Variants in GFAP observed in about 807,000 individuals in gnomAD.
GFAP encodes intermediate filament protein.
GFAP carries 38 observed loss-of-function variants against 49.3 expected under a neutral mutation model. That is an observed-to-expected ratio of 0.77 (90% confidence interval 0.60 to 1.01). GFAP has a LOEUF of 1.01. GFAP is among the 50% of genes least tolerant of loss of function. The pLI is 0.00. For missense variants in GFAP, 463 were observed against 579.1 expected (o/e 0.80, Z 2.06); for synonymous variants, 222 against 236.4 (o/e 0.94, Z 0.56).
rs1268819073 is a variant in GFAP at position 44,904,054 on chromosome 17, C to T, written c.*3293G>A. 4 of 1,550,686 alleles carry T rather than the reference C, an allele frequency of 2.6e-6. No homozygotes were observed. The Admixed American group carries it at 7.8e-5, about 30-fold the overall frequency. On this transcript the variant is annotated 3_prime_UTR_variant, in exon 9 of 9. Transcript: ENST00000588735. Reference sequence around the variant, plus strand: ...ACCAAAAGCACCTAGGTAGCAGCCACACCAAAGTGCTGACGGACTTTGATG... The same window carrying T: ...ACCAAAAGCACCTAGGTAGCAGCCATACCAAAGTGCTGACGGACTTTGATG...
intron 7 of GFAP, chr17:44,910,179 T>C (rs2051727702): frequency 1.2e-6 from 2 of 1,613,792 alleles, no homozygotes; most frequent in Non-Finnish European, 1.7e-6. Flanking sequence ...CTGGTGAGCC[T>C]GTATTGGTAT....
chr17:44,904,929 C>T lies in GFAP; in HGVS notation c.*2418G>A. 1 of 1,550,640 alleles carries T rather than the reference C, an allele frequency of 6.4e-7. No individual in the cohort carries two copies. Among genetic ancestry groups the T allele is most frequent in the Non-Finnish European group, 8.7e-7 (1 of 1,146,996 alleles). Reference sequence around the variant, plus strand: ...GTGACATCTCATGGGCACTACCCAGCCTCGTTCTCAGATCCTGAGACTCGC... The same window carrying T: ...GTGACATCTCATGGGCACTACCCAGTCTCGTTCTCAGATCCTGAGACTCGC... On this transcript the variant is annotated 3_prime_UTR_variant, in exon 9 of 9. Transcript: ENST00000588735.
intron 5 of GFAP, 79 bp downstream of exon 5, chr17:44,911,593 C>G (rs997923404): frequency 1.1e-5 from 17 of 1,591,808 alleles, no homozygotes; most frequent in Non-Finnish European, 1.4e-5. Context: ...GGTCCTCGTC[C>G]CTGGCCCTTC....
intron 7 of GFAP, chr17:44,909,959 TA>T: frequency 6.9e-7 from 1 of 1,455,672 alleles, no homozygotes. Flanking sequence ...CAGTTTAATG[TA>T]CAGTTACTCT....
Position 44,911,387 on chromosome 17 carries a change from C to T in GFAP, c.976G>A (p.Glu326Lys). Residue 326 changes from glutamate to lysine, a missense_variant, in exon 6 of 9, where the codon GAG becomes AAG. Physicochemically the swap from Glu to Lys is moderately conservative, Grantham distance 56 (BLOSUM62 1). Around this residue, in one of 3 missense-constraint regions of GFAP, gnomAD observed 362 missense variants for 445.5 expected, o/e 0.81. Transcript: ENST00000588735. ...RHVREAASYQ[E>K]ALARLEEEGQ... ...TCTTCCTCCAGCCGCGCCAGCGCCT[C>T]CTGATAACTGGCCGCCTCCCGCACG... 6.2e-7 allele frequency: 1 copy of T among 1,614,056 alleles called. No homozygotes were observed. Among genetic ancestry groups the T allele is most frequent in the Non-Finnish European group, 8.5e-7 (1 of 1,180,002 alleles).
At chr17:44,913,848 G>C in intron 2 of GFAP, 25 bp from the exon 3 acceptor site, 1 of 1,589,442 alleles carries the variant, frequency 6.3e-7, no homozygotes. Flanking sequence ...GGGGTGAGGA[G>C]TAGAGGGCCA....
chr17:44,907,070 T>A lies in GFAP; in HGVS notation c.*277A>T. 3.6e-6 allele frequency: 2 copies of A among 552,530 alleles called. No homozygotes were observed. The highest frequency in any genetic ancestry group is 6.5e-6 in the Non-Finnish European group (2 of 305,580). The allele number at this position is 552,530 out of a possible 1,614,324, so 34.2% of individuals were successfully genotyped here. ...CCCCTTCTCTCCTTCCTCCTCATTC[T>A]AACGCAAGCTGCTGGCCATGCCCCT... On this transcript the variant is annotated 3_prime_UTR_variant, in exon 9 of 9. Coordinates refer to ENST00000588735, the MANE Select transcript of GFAP (RefSeq NM_002055.5).
chr17:44,911,387 C>G lies in GFAP; in HGVS notation c.976G>C (p.Glu326Gln). 2 of 1,614,056 alleles carry G rather than the reference C, an allele frequency of 1.2e-6. No individual in the cohort carries two copies. Among genetic ancestry groups the G allele is most frequent in the South Asian group, 1.1e-5 (1 of 91,084 alleles). ...TCTTCCTCCAGCCGCGCCAGCGCCT[C>G]CTGATAACTGGCCGCCTCCCGCACG... is the stretch of plus-strand genomic sequence containing the variant. ...RHVREAASYQ[E>Q]ALARLEEEGQ... The change falls in exon 6 of 9, where the codon GAG (glutamate) becomes CAG (glutamine). Residue 326 changes from glutamate to glutamine, a missense_variant. Transcript: ENST00000588735.
In GFAP at chr17:44,915,088, G is replaced by A. The variant is rs756246008; in HGVS notation, c.399C>T (p.Asn133=). 4.3e-6 allele frequency: 7 copies of A among 1,613,492 alleles called. No homozygotes were observed. The highest frequency in any genetic ancestry group is 2.2e-5 in the East Asian group (1 of 44,880). ...CCCTCTCAACCTCCAGCCGGGCGCT[G>A]TTGGCGGTGAGTTGATCGAGCCGCA... The part of the protein sequence containing the change: ...LRLRLDQLTA[N]SARLEVERDN... Residue 133 remains asparagine (N), a synonymous_variant, in exon 1 of 9, where the codon AAC becomes AAT. Coordinates refer to ENST00000588735, the MANE Select transcript of GFAP (RefSeq NM_002055.5). The surrounding 1 kb of genome is among the most constrained non-coding windows in gnomAD (Gnocchi z 4.1).
Position 44,904,361 on chromosome 17 carries a change from T to C in GFAP, c.*2986A>G, listed in dbSNP as rs1331514125. On this transcript the variant is annotated 3_prime_UTR_variant, in exon 9 of 9. Coordinates refer to ENST00000588735, the MANE Select transcript of GFAP (RefSeq NM_002055.5). ...CACCACCTTCTGGGAATGGACCCCC[T>C]GTGACCGCTGCGGAGTGCGTGGGGA... 6.5e-7 allele frequency: 1 copy of C among 1,544,252 alleles called. No homozygotes were observed. The highest frequency in any genetic ancestry group is 1.2e-5 in the South Asian group (1 of 83,530).
Position 44,911,334 on chromosome 17 carries a change from G to A in GFAP, c.1029C>T (p.Ala343=). 1.2e-6 allele frequency: 2 copies of A among 1,614,180 alleles called. No homozygotes were observed. Among genetic ancestry groups the A allele is most frequent in the Non-Finnish European group, 8.5e-7 (1 of 1,180,012 alleles). ...EEGQSLKDEM[A]RHLQEYQDLL... is the part of the protein sequence containing the mutation. ...GGTCCTGGTACTCCTGCAAGTGGCG[G>A]GCCATCTCGTCCTTGAGGCTCTGCC... Residue 343 remains alanine, a synonymous_variant, in exon 6 of 9, where the codon GCC becomes GCT. Transcript: ENST00000588735.
chr17:44,904,380 G>T lies in GFAP; in HGVS notation c.*2967C>A. 1 of 1,542,348 alleles carries T rather than the reference G, an allele frequency of 6.5e-7. No homozygotes were observed. The highest frequency in any genetic ancestry group is 8.8e-7 in the Non-Finnish European group (1 of 1,140,982). On this transcript the variant is annotated 3_prime_UTR_variant, in exon 9 of 9. Coordinates refer to ENST00000588735, the MANE Select transcript of GFAP (RefSeq NM_002055.5). The stretch of plus-strand genomic sequence containing the variant: ...ACCCCCTGTGACCGCTGCGGAGTGC[G>T]TGGGGAGCAGTGGCGCATCGGCCTC...
At position 44,904,986 on chromosome 17, in the gene GFAP, T is replaced by C. The variant is rs1258821650; in HGVS notation, c.*2361A>G. 79 of 1,550,724 alleles carry C rather than the reference T, an allele frequency of 5.1e-5. No individual in the cohort carries two copies. Among genetic ancestry groups the C allele is most frequent in the Non-Finnish European group, 6.9e-5 (79 of 1,147,054 alleles). On this transcript the variant is annotated 3_prime_UTR_variant, in exon 9 of 9. Transcript: ENST00000588735. ...GTGGAGCTCACCCTGATAGGCTACCTGCTCATCACAGCAGTCTTTGTCACC... is the reference window on the plus strand; with the variant it reads ...GTGGAGCTCACCCTGATAGGCTACCCGCTCATCACAGCAGTCTTTGTCACC...
chr17:44,904,586 G>A lies in GFAP; in HGVS notation c.*2761C>T, dbSNP rs757281725. 195 of 1,550,594 alleles carry A rather than the reference G, an allele frequency of 1.3e-4. No homozygotes were observed. The highest frequency in any genetic ancestry group is 6.3e-4 in the South Asian group (53 of 84,060). On this transcript the variant is annotated 3_prime_UTR_variant, in exon 9 of 9. Transcript: ENST00000588735. Reference sequence around the variant, plus strand: ...GAAGACAAAGACCATCCGGGAGGGCGTGCTGGCCATCATTAACTATGTGTC... The same window carrying A: ...GAAGACAAAGACCATCCGGGAGGGCATGCTGGCCATCATTAACTATGTGTC...
rs1304326673 is a variant in GFAP, at chr17:44,907,355, C to T, written c.1291G>A (p.Val431Met). The change falls in exon 9 of 9, where the codon GTG (valine) becomes ATG (methionine). Residue 431 changes from valine (V) to methionine (M), a missense_variant. Physicochemically the swap from Val to Met is conservative, Grantham distance 21. Transcript: ENST00000588735. ...IKESKQEHKD[V>M]M Reference sequence around the variant, plus strand: ...ACCAGGTGGGTCCTGCCTCACATCACATCCTTGTGCTCCTGCTTGGACTCC... The same window carrying T: ...ACCAGGTGGGTCCTGCCTCACATCATATCCTTGTGCTCCTGCTTGGACTCC... 1 of 1,613,946 alleles carries T rather than the reference C, an allele frequency of 6.2e-7. No individual in the cohort carries two copies. The highest frequency in any genetic ancestry group is 8.5e-7 in the Non-Finnish European group (1 of 1,179,836).
Position 44,915,208 on chromosome 17 carries a change from T to C in GFAP, c.279A>G (p.Gln93=), listed in dbSNP as rs745848016. The change falls in exon 1 of 9, where the codon CAA becomes CAG. Residue 93 remains glutamine (Q), a synonymous_variant. Transcript: ENST00000588735. This position sits in a 1 kb window ranked among gnomAD's most constrained non-coding sequence, Gnocchi z 4.1. ...YIEKVRFLEQ[Q]NKALAAELNQ... ...TCAGCTCAGCAGCCAGCGCCTTGTTTTGCTGTTCCAGGAAGCGAACCTTCT... is the reference window on the plus strand; with the variant it reads ...TCAGCTCAGCAGCCAGCGCCTTGTTCTGCTGTTCCAGGAAGCGAACCTTCT... 2.5e-6 allele frequency: 4 copies of C among 1,614,196 alleles called. No individual in the cohort carries two copies. The highest frequency in any genetic ancestry group is 3.4e-6 in the Non-Finnish European group (4 of 1,180,046).
Position 44,909,098 on chromosome 17 carries a change from C to CGAAGGAAGGAAGGAAAGAAG in GFAP, c.1172-969_1172-950dup, listed in dbSNP as rs1567771445. On this transcript the variant is annotated intron_variant, in intron 7 of 8. Transcript: ENST00000588735. ...CCTGAGTGACAGAGGGACGCTCTGC[C>CGAAGGAAGGAAGGAAAGAAG]GAAGGAAGGAAGGAAAGAAGGAAGG... The CGAAGGAAGGAAGGAAAGAAG allele has an allele frequency of 8.7e-5, 13 of 149,184 alleles. No individual in the cohort carries two copies. The East Asian group carries it at 2.6e-3, about 30-fold the overall frequency. The allele number at this position is 149,184 out of a possible 1,614,324, so 9.2% of individuals were successfully genotyped here. A position where few individuals can be genotyped will look rare whatever the true frequency, so the allele number is the denominator to read the frequency against.
At position 44,915,128 on chromosome 17, in the gene GFAP, A is replaced by T; in HGVS notation, c.359T>A (p.Leu120Gln). 6.2e-7 allele frequency: 1 copy of T among 1,614,098 alleles called. No individual in the cohort carries two copies. Among genetic ancestry groups the T allele is most frequent in the Non-Finnish European group, 8.5e-7 (1 of 1,180,016 alleles). The change falls in exon 1 of 9, where the codon CTG becomes CAG. Residue 120 changes from leucine (L) to glutamine (Q), a missense_variant. Leu to Gln is a moderately radical substitution (Grantham distance 113). This residue lies in a region of GFAP where 362 missense variants were observed against 445.5 expected (regional missense o/e 0.81). Transcript: ENST00000588735. The surrounding 1 kb of genome is among the most constrained non-coding windows in gnomAD (Gnocchi z 4.1). ...ATCGAGCCGCAGCCGCAGCTCTCGC[A>T]GCTCAGCCTGGTAGACGTCTGCCAG... ...TKLADVYQAE[L>Q]RELRLRLDQL...
chr17:44,907,845 T>C (rs1325309176), intron 8 of GFAP: 1 of 654,766 alleles, frequency 1.5e-6, no homozygotes, highest in Non-Finnish European at 2.8e-6. Flanking sequence ...GGATCCCATC[T>C]AGTGGCTTTG....
Sources: allele counts gnomAD v4.1 joint callset, GRCh38; gene constraint gnomAD v4.1.1; regional missense constraint gnomAD v4.1.1; non-coding constraint Gnocchi (gnomAD v3.1); transcripts MANE v1.5; gene names NCBI Gene and HGNC (gene_info 2026-07-23, HGNC 2026-07-21).